The following COLEC10 variants were observed in gnomAD, a reference collection of about 807,000 sequenced individuals.
COLEC10 encodes the protein collectin subfamily member 10, also known as collectin-10.
COLEC10 carries 22 observed loss-of-function variants against 28.4 expected under a neutral mutation model. The observed-to-expected ratio is 0.78, with a 90% CI of 0.55 to 1.11. The LOEUF is 1.11. Among genes scored for constraint, COLEC10 ranks in the 50% least tolerant of loss-of-function variants. The pLI is 0.00. For synonymous variants in COLEC10, 125 were observed against 116.1 expected, an observed-to-expected ratio of 1.08 and a Z score of -0.49; for missense variants, 361 against 344.1, an observed-to-expected ratio of 1.05 and a Z score of -0.39.
the COLEC10 span, among the ~76,000 whole-genome samples, chr8:118,964,148 A>G: frequency 1.3e-5 from 2 of 152,216 alleles, no homozygotes; most frequent in Non-Finnish European, 2.9e-5. Context: ...TAAAAGTAGT[A>G]AGTCTAGGAA....
At chr8:119,054,563 C>T (rs1333252926) in intron 2 of COLEC10, among the ~76,000 whole-genome samples, 2 of 151,670 alleles carry the variant, frequency 1.3e-5, no homozygotes, top group Non-Finnish European at 1.5e-5. Context: ...GAGTTGAGCT[C>T]GGCGGTACAA....
chr8:119,057,539 A>G (rs1456995409), intron 2 of COLEC10, among the ~76,000 whole-genome samples: 2 of 152,054 alleles, frequency 1.3e-5, no homozygotes, highest in Admixed American at 6.6e-5. Flanking sequence ...TTCCACACTA[A>G]TGACAACTAC....
At chr8:119,091,472 T>C (rs185261834) in intron 3 of COLEC10, among the ~76,000 whole-genome samples, 401 of 151,686 alleles carry the variant, frequency 2.6e-3, no homozygotes, top group Non-Finnish European at 4.0e-3. Flanking sequence ...GGAGGATCGT[T>C]TGAGCCCATA....
chr8:118,995,841 G>C (rs1313858341), intron 1 of COLEC10, among the ~76,000 whole-genome samples: 1 of 150,054 alleles, frequency 6.7e-6, no homozygotes, highest in Admixed American at 6.7e-5. Flanking sequence ...GATCAAACTT[G>C]GATATAGGTA....
chr8:119,074,452 T>C (rs938891877), intron 1 of COLEC10, among the ~76,000 whole-genome samples: 5 of 152,046 alleles, frequency 3.3e-5, no homozygotes, highest in African/African-American at 1.2e-4. Context: ...AATTTAAAAA[T>C]ACAATGGAGA....
intron 1 of COLEC10, among the ~76,000 whole-genome samples, chr8:119,009,138 A>G (rs1813859775): frequency 6.6e-6 from 1 of 150,982 alleles, no homozygotes; most frequent in Admixed American, 6.6e-5. Context: ...AGGTGAGGAA[A>G]GGAGGAAGAG....
intron 3 of COLEC10, among the ~76,000 whole-genome samples, chr8:119,091,595 GAGAAAGAAAGAAAGAAAGAAAGAA>G (rs200954056): frequency 1.4e-5 from 2 of 138,488 alleles, no homozygotes; most frequent in Admixed American, 1.4e-4. Flanking sequence ...GAGAGAGAGA[GAGAAAGAAAGAAAGAAAGAAAGAA>G]AGAAAGAAAG....
intron 1 of COLEC10, 53 bp from the exon 2 acceptor site, chr8:119,089,627 G>A: frequency 1.4e-6 from 2 of 1,399,718 alleles, no homozygotes; most frequent in Non-Finnish European, 2.0e-6. Context: ...GGGAGAATGT[G>A]CTCATGTTAC....
intron 2 of COLEC10, among the ~76,000 whole-genome samples, chr8:119,033,005 ATT>A (rs1194359796): frequency 6.6e-6 from 1 of 152,154 alleles, no homozygotes; most frequent in East Asian, 1.9e-4. Flanking sequence ...GCTCTCTCGA[ATT>A]TTTCCATCTC....
chr8:119,048,953 T>C (rs569497552), intron 2 of COLEC10, among the ~76,000 whole-genome samples: 2 of 152,284 alleles, frequency 1.3e-5, no homozygotes, highest in African/African-American at 4.8e-5. Flanking sequence ...TTTAAGTGTG[T>C]TTTTGTGGTA....
intron 1 of COLEC10, among the ~76,000 whole-genome samples, chr8:119,088,219 GAGAAAGAAAAAAGAAAGAGAAAGAAA>G (rs1216276371): frequency 6.6e-6 from 1 of 150,584 alleles, no homozygotes; most frequent in African/African-American, 2.4e-5. Context: ...GAAAGAGAGA[GAGAAAGAAAAAAGAAAGAGAAAGAAA>G]AGAAAGAAAG....
chr8:119,029,944 T>C (rs1217008006), intron 2 of COLEC10, among the ~76,000 whole-genome samples: 1 of 152,204 alleles, frequency 6.6e-6, no homozygotes, highest in East Asian at 1.9e-4. Flanking sequence ...CAAGAAATTC[T>C]AAAAGTGTCT....
rs1479076251 is a variant in COLEC10 at position 119,045,001 on chromosome 8, TCTAATTTTA to T, written n.235+35449_235+35457del. 3.3e-5 allele frequency among the ~76,000 whole-genome samples: 5 copies of T among 152,214 alleles called. No homozygotes were observed. In the East Asian group the frequency reaches 7.7e-4, roughly 23 times the overall value. On this transcript the variant is annotated intron_variant and non_coding_transcript_variant, in intron 2 of 6. Transcript: ENST00000521788. ...ATTAGACTATCTCTTTCTTTCCAGTTCTAATTTTAGACTCCCATGTTCTTATTAATAAAT... is the reference window on the plus strand; with the variant it reads ...ATTAGACTATCTCTTTCTTTCCAGTTGACTCCCATGTTCTTATTAATAAAT...
chr8:119,076,461 C>G (rs974728349), intron 1 of COLEC10, among the ~76,000 whole-genome samples: 7 of 152,068 alleles, frequency 4.6e-5, no homozygotes, highest in Non-Finnish European at 1.0e-4. Context: ...TGGGGTTTCA[C>G]CATGTTGGCC....
intron 1 of COLEC10, among the ~76,000 whole-genome samples, chr8:119,084,635 G>A (rs1815433949): frequency 6.6e-6 from 1 of 152,088 alleles, no homozygotes; most frequent in Admixed American, 6.6e-5. Flanking sequence ...AATGCCTACA[G>A]CCCTTTAAAA....
At chr8:118,962,820 G>T in the COLEC10 span, among the ~76,000 whole-genome samples, 1 of 152,120 alleles carries the variant, frequency 6.6e-6, no homozygotes, top group Non-Finnish European at 1.5e-5. Flanking sequence ...CTGCTTTTAT[G>T]ATTTTGACTA....
intron 2 of COLEC10, among the ~76,000 whole-genome samples, chr8:119,044,756 G>A (rs1814558293): frequency 6.6e-6 from 1 of 151,770 alleles, no homozygotes; most frequent in Admixed American, 6.6e-5. Flanking sequence ...TCGGGGAAAT[G>A]AGGCAGGAGA....
chr8:118,990,744 C>A (rs118115298), upstream of COLEC10, among the ~76,000 whole-genome samples: 1 of 152,034 alleles, frequency 6.6e-6, no homozygotes, highest in East Asian at 1.9e-4. Flanking sequence ...GGAACCACAT[C>A]AAGGCAGATG....
At chr8:119,087,236 G>GA (rs756192764) in intron 1 of COLEC10, among the ~76,000 whole-genome samples, 3 of 152,074 alleles carry the variant, frequency 2.0e-5, no homozygotes, top group Admixed American at 6.5e-5. Context: ...GGAGATGCTA[G>GA]AAAAAATCAC....
Sources: gnomAD v4.1 joint callset for allele counts (sites outside exome capture counted in the v4.1 genomes callset) on GRCh38, gnomAD v4.1.1 for gene constraint, MANE v1.5 for transcripts, NCBI Gene and HGNC (gene_info 2026-07-23, HGNC 2026-07-21) for gene names.